The following ANO3 variants were observed in gnomAD, a reference collection of about 807,000 sequenced individuals.
The protein encoded by ANO3 is anoctamin-3.
In ANO3, 99 loss-of-function variants were observed where a neutral mutation model predicts 144.8. The ratio of observed to expected loss-of-function variants is 0.68; its 90% CI spans 0.58 to 0.81. ANO3 has a LOEUF of 0.81. ANO3 is among the 30% of genes least tolerant of loss of function. The pLI is 0.00. For missense variants in ANO3, 905 were observed against 1,202.2 expected, an observed-to-expected ratio of 0.75 and a Z score of 3.66; for synonymous variants, 414 against 392.6, an observed-to-expected ratio of 1.05 and a Z score of -0.64.
chr11:26,303,848 T>G (rs886305181), intron 1 of ANO3, among the ~76,000 whole-genome samples: 1 of 152,068 alleles, frequency 6.6e-6, no homozygotes, highest in African/African-American at 2.4e-5. Flanking sequence ...GCCTCCCAAG[T>G]AGCTGAGACT....
At chr11:26,247,861 C>T (rs946321884) in intron 1 of ANO3, among the ~76,000 whole-genome samples, 1 of 151,162 alleles carries the variant, frequency 6.6e-6, no homozygotes, top group Admixed American at 6.6e-5. Context: ...TCCCGAGTAG[C>T]TGAGATTACA....
At chr11:26,548,666 G>A (rs1020873811) in intron 12 of ANO3, among the ~76,000 whole-genome samples, 1 of 151,864 alleles carries the variant, frequency 6.6e-6, no homozygotes, top group African/African-American at 2.4e-5. Context: ...CAATAACCAA[G>A]TTGCTTGATT....
chr11:26,523,961 A>G (rs1054543697), intron 6 of ANO3, among the ~76,000 whole-genome samples: 6 of 152,204 alleles, frequency 3.9e-5, no homozygotes, highest in African/African-American at 1.4e-4. Flanking sequence ...GATGCTGGAA[A>G]TTATTTTATA....
At chr11:26,660,241 T>C in intron 26 of ANO3, 21 bp from the exon 27 acceptor site, 1 of 1,610,766 alleles carries the variant, frequency 6.2e-7, no homozygotes, top group Middle Eastern at 1.7e-4. Flanking sequence ...AAAACTGTCC[T>C]TTTCACATTT....
chr11:26,398,363 G>A (rs1857069533), intron 1 of ANO3, among the ~76,000 whole-genome samples: 1 of 152,000 alleles, frequency 6.6e-6, no homozygotes, highest in Non-Finnish European at 1.5e-5. Flanking sequence ...GTGAGTATAG[G>A]TTACCTTTGG....
chr11:26,617,048 G>A (rs1032723416), intron 17 of ANO3, among the ~76,000 whole-genome samples: 1 of 152,208 alleles, frequency 6.6e-6, no homozygotes, highest in South Asian at 2.1e-4. Context: ...TGGGATTACA[G>A]GCGTGAGCCA....
chr11:26,471,513 A>G (rs2134071020), intron 4 of ANO3, among the ~76,000 whole-genome samples: 1 of 152,086 alleles, frequency 6.6e-6, no homozygotes, highest in African/African-American at 2.4e-5. Context: ...AATATTTTCA[A>G]CTGAATCTAT....
chr11:26,308,535 C>T (rs923916265), upstream of ANO3, among the ~76,000 whole-genome samples: 8 of 152,074 alleles, frequency 5.3e-5, no homozygotes, highest in African/African-American at 9.7e-5. Flanking sequence ...TCTGTTATTA[C>T]ATAAAACTAA....
chr11:26,535,269 T>C (rs575221974), intron 9 of ANO3, among the ~76,000 whole-genome samples: 27 of 152,204 alleles, frequency 1.8e-4, no homozygotes, highest in Non-Finnish European at 3.4e-4. Context: ...CTTTGTTGTT[T>C]AAATGTTTAG....
At chr11:26,575,748 G>T (rs1042458141) in intron 14 of ANO3, among the ~76,000 whole-genome samples, 5 of 152,138 alleles carry the variant, frequency 3.3e-5, no homozygotes, top group Non-Finnish European at 7.4e-5. Context: ...TAGTAAATCA[G>T]ACATTTTCAA....
chr11:26,649,162 A>T (rs1443067687), intron 24 of ANO3, among the ~76,000 whole-genome samples: 2 of 152,096 alleles, frequency 1.3e-5, no homozygotes, highest in African/African-American at 4.8e-5. Flanking sequence ...GGCCATAAAA[A>T]CCCTAGCAAA....
chr11:26,438,609 G>GAAAAAAAAAAAA (rs1222012718), intron 1 of ANO3, among the ~76,000 whole-genome samples: 1 of 73,298 alleles, frequency 1.4e-5, no homozygotes, highest in African/African-American at 5.4e-5. Flanking sequence ...AAAAAAAAAA[G>GAAAAAAAAAAAA]AAAAAAAAAA....
chr11:26,444,052 A>G (rs1440496644), intron 3 of ANO3, among the ~76,000 whole-genome samples: 1 of 152,192 alleles, frequency 6.6e-6, no homozygotes, highest in Admixed American at 6.5e-5. Context: ...CAGTCTCATA[A>G]TAACAAATAA....
chr11:26,598,371 T>A lies in ANO3; in HGVS notation c.1454T>A (p.Val485Asp). The A allele has an allele frequency of 6.5e-7, 1 of 1,530,592 alleles. No individual in the cohort carries two copies. The highest frequency in any genetic ancestry group is 2.0e-5 in the Admixed American group (1 of 50,634). 94.8% of individuals were successfully genotyped at this position (1,530,592 alleles called of 1,614,324 possible). A position where few individuals can be genotyped will look rare whatever the true frequency, so the allele number is the denominator to read the frequency against. Residue 485 changes from valine (V) to aspartate (D), a missense_variant, in exon 15 of 27, where the codon GTC (valine) becomes GAC (aspartate). Transcript: ENST00000256737. ...FAIFMAIWAT[V>D]FLEFWKRRRS... Reference sequence around the variant, plus strand: ...TCATTTTTATATTTTATAGCCACAGTCTTCCTGGAGTTTTGGAAAAGGAGA... The same window carrying A: ...TCATTTTTATATTTTATAGCCACAGACTTCCTGGAGTTTTGGAAAAGGAGA...
At chr11:26,538,299 G>A (rs774447528) in intron 10 of ANO3, among the ~76,000 whole-genome samples, 7 of 152,126 alleles carry the variant, frequency 4.6e-5, no homozygotes, top group Non-Finnish European at 8.8e-5. Flanking sequence ...TATCAAAGGC[G>A]CAGTTTTGAG....
chr11:26,623,974 G>T (rs1165910067), intron 17 of ANO3, among the ~76,000 whole-genome samples: 1 of 151,834 alleles, frequency 6.6e-6, no homozygotes, highest in Non-Finnish European at 1.5e-5. Flanking sequence ...TTTTAGTAGA[G>T]ACGGGGTTTC....
intron 1 of ANO3, among the ~76,000 whole-genome samples, chr11:26,340,671 C>G (rs140557821): frequency 4.5e-4 from 68 of 152,232 alleles, no homozygotes; most frequent in African/African-American, 1.5e-3. Context: ...AATGAGTGAA[C>G]TATAGTAAAT....
intron 3 of ANO3, among the ~76,000 whole-genome samples, chr11:26,447,222 A>AAG (rs1289831876): frequency 5.1e-5 from 1 of 19,614 alleles, no homozygotes; most frequent in Non-Finnish European, 1.7e-4. Context: ...AAAAAAAAAA[A>AAG]AAAAAAGGTG....
intron 1 of ANO3, among the ~76,000 whole-genome samples, chr11:26,200,526 A>G (rs1851672551): frequency 6.6e-6 from 1 of 152,118 alleles, no homozygotes; most frequent in South Asian, 2.1e-4. Context: ...CACTGGGTTA[A>G]GCTTTAGAGA....
Sources: allele counts gnomAD v4.1 joint callset (sites outside exome capture counted in the v4.1 genomes callset), GRCh38; gene constraint gnomAD v4.1.1; transcripts MANE v1.5; gene names NCBI Gene and HGNC (gene_info 2026-07-23, HGNC 2026-07-21).